SH3KBP1: variants seen among roughly 807,000 people sequenced by gnomAD.
SH3KBP1 encodes SH3 domain containing kinase binding protein 1.
SH3KBP1 carries 8 observed loss-of-function variants against 50.1 expected under a neutral mutation model. The ratio of observed to expected loss-of-function variants is 0.16; its 90% CI spans 0.09 to 0.29. The LOEUF (loss-of-function observed/expected upper bound fraction) is 0.29, where lower values mean the gene tolerates loss of function less well. Among genes scored for constraint, SH3KBP1 ranks in the 10% least tolerant of loss-of-function variants. SH3KBP1 has a pLI of 1.00. For missense variants in SH3KBP1, 377 were observed against 535.2 expected, an observed-to-expected ratio of 0.70 and a Z score of 2.92; for synonymous variants, 227 against 218.6, an observed-to-expected ratio of 1.04 and a Z score of -0.34.
At chrX:19,638,266 C>A (rs1258601140) in intron 7 of SH3KBP1, among the ~76,000 whole-genome samples, 1 of 109,692 alleles carries the variant, frequency 9.1e-6, no homozygotes, top group Non-Finnish European at 1.9e-5. Flanking sequence ...AAAAATTAGC[C>A]GGGCACGGTG....
At chrX:19,629,029 C>T (rs1391522303) in intron 8 of SH3KBP1, among the ~76,000 whole-genome samples, 1 of 111,640 alleles carries the variant, frequency 9.0e-6, no homozygotes, top group African/African-American at 3.3e-5. Context: ...ATCGCACGAA[C>T]CTGGGAGGTG....
chrX:19,776,209 A>ATG (rs1160865716), intron 2 of SH3KBP1, among the ~76,000 whole-genome samples: 1 of 111,841 alleles, frequency 8.9e-6, no homozygotes, highest in African/African-American at 3.2e-5. Flanking sequence ...ACGCTTCCAC[A>ATG]TGTGAGCCAT....
At chrX:19,722,467 G>A (rs1460423316) in intron 3 of SH3KBP1, among the ~76,000 whole-genome samples, 1 of 111,276 alleles carries the variant, frequency 9.0e-6, no homozygotes, top group Non-Finnish European at 1.9e-5. Context: ...GAGGTCACTA[G>A]GGCTTCCATG....
intron 3 of SH3KBP1, among the ~76,000 whole-genome samples, chrX:19,721,257 A>C (rs2064051370): frequency 1.8e-5 from 2 of 111,465 alleles, no homozygotes; most frequent in Non-Finnish European, 3.8e-5. Context: ...CAGGGGGTCT[A>C]AACTTACATG....
intron 3 of SH3KBP1, among the ~76,000 whole-genome samples, chrX:19,734,646 C>T (rs1304469409): frequency 8.9e-6 from 1 of 111,824 alleles, no homozygotes; most frequent in Non-Finnish European, 1.9e-5. Flanking sequence ...ACATTTCTAT[C>T]ACCCCAAAAA....
intron 6 of SH3KBP1, among the ~76,000 whole-genome samples, chrX:19,666,856 A>T (rs2062612252): frequency 8.9e-6 from 1 of 112,144 alleles, no homozygotes. Flanking sequence ...AGATATATCT[A>T]AAAAATTGAA....
chrX:19,549,110 G>A (rs1487179220), intron 14 of SH3KBP1, among the ~76,000 whole-genome samples: 5 of 112,218 alleles, frequency 4.5e-5, no homozygotes, highest in Admixed American at 3.8e-4. Context: ...AGAAAAATGG[G>A]CAGCCATGAA....
Position 19,876,160 on chromosome X carries a change from A to G in SH3KBP1, c.4+11147T>C, listed in dbSNP as rs2069244942. Among the ~76,000 whole-genome samples the G allele has an allele frequency of 2.7e-5, 3 of 111,642 alleles. No homozygotes were observed. The Admixed American group carries it at 2.8e-4, about 11-fold the overall frequency. On this transcript the variant is annotated intron_variant, in intron 1 of 17. Coordinates refer to ENST00000397821, the MANE Select transcript of SH3KBP1 (RefSeq NM_031892.3). Reference sequence around the variant, plus strand: ...GATCACCTGAGGTCGGGAGTTCCAGACCAGCCTGGCCAACATGGTGAAACC... The same window carrying G: ...GATCACCTGAGGTCGGGAGTTCCAGGCCAGCCTGGCCAACATGGTGAAACC...
chrX:19,760,041 C>CCTCTCCCTCTCTCTCCCTCT, intron 2 of SH3KBP1, among the ~76,000 whole-genome samples: 1 of 50,455 alleles, frequency 2.0e-5, no homozygotes, highest in African/African-American at 9.3e-5. Context: ...TCTCTCTCTC[C>CCTCTCCCTCTCTCTCCCTCT]CTCTCTCTCT....
chrX:19,638,176 C>T (rs1311664309), intron 7 of SH3KBP1, among the ~76,000 whole-genome samples: 3 of 109,496 alleles, frequency 2.7e-5, no homozygotes, highest in Non-Finnish European at 3.8e-5. Flanking sequence ...TTTGGGAGGC[C>T]GAGGCAGGCG....
At chrX:19,638,689 G>C (rs1056841234) in intron 7 of SH3KBP1, among the ~76,000 whole-genome samples, 3 of 111,739 alleles carry the variant, frequency 2.7e-5, no homozygotes, top group African/African-American at 9.8e-5. Context: ...GGACCTGGAG[G>C]GTGGACAAGT....
At chrX:19,853,884 T>A (rs2147489848) in intron 1 of SH3KBP1, among the ~76,000 whole-genome samples, 1 of 107,131 alleles carries the variant, frequency 9.3e-6, no homozygotes, top group East Asian at 3.1e-4. Context: ...ATCGCTTGAA[T>A]CCGGGAGGCA....
At chrX:19,634,246 C>G (rs2061651231) in intron 7 of SH3KBP1, among the ~76,000 whole-genome samples, 1 of 109,620 alleles carries the variant, frequency 9.1e-6, no homozygotes, top group Non-Finnish European at 1.9e-5. Context: ...CCCTGCCATT[C>G]TCCTTTTAAC....
intron 2 of SH3KBP1, among the ~76,000 whole-genome samples, chrX:19,798,765 C>A (rs996889611): frequency 8.9e-6 from 1 of 112,198 alleles, no homozygotes. Context: ...GCCAGGACAG[C>A]AACACTGGTG....
chrX:19,753,797 A>G (rs2065135479), intron 2 of SH3KBP1, among the ~76,000 whole-genome samples: 1 of 112,615 alleles, frequency 8.9e-6, no homozygotes, highest in Admixed American at 9.4e-5. Flanking sequence ...AAGAAAAAAA[A>G]CATAAAGTAA....
At position 19,591,655 on chromosome X, in the gene SH3KBP1, A is replaced by T. The variant is rs768143410; in HGVS notation, c.1138+412T>A. On this transcript the variant is annotated intron_variant, in intron 11 of 17. Coordinates refer to ENST00000397821, the MANE Select transcript of SH3KBP1 (RefSeq NM_031892.3). The stretch of plus-strand genomic sequence containing the variant: ...CATTTGTTTATTTATCTGGACGTGA[A>T]TTTCACTATGCCAAATCCATCCATC... Among the ~76,000 whole-genome samples, 10 of 112,146 alleles carry T rather than the reference A, an allele frequency of 8.9e-5. No homozygotes were observed. The South Asian group carries it at 3.7e-3, about 42-fold the overall frequency.
chrX:19,570,018 C>A (rs1048728160), intron 12 of SH3KBP1, among the ~76,000 whole-genome samples: 1 of 112,182 alleles, frequency 8.9e-6, no homozygotes, highest in Admixed American at 9.5e-5. Context: ...TTGTTCCCAG[C>A]AAAGTAACAG....
rs1476655665 is a variant in SH3KBP1 at position 19,849,342 on chromosome X, T to C, written c.5-13060A>G. Among the ~76,000 whole-genome samples, 4 of 110,920 alleles carry C rather than the reference T, an allele frequency of 3.6e-5. No individual in the cohort carries two copies. In the East Asian group the frequency reaches 1.1e-3, roughly 31 times the overall value. On this transcript the variant is annotated intron_variant, in intron 1 of 17. Transcript: ENST00000397821. ...GTAGGACTGTAGGCAAATGACTTAG[T>C]TTCTTCAACAACAACAAAAGCAAGG...
At position 19,769,042 on chromosome X, in the gene SH3KBP1, T is replaced by C. The variant is rs2065703533; in HGVS notation, c.163-22601A>G. ...AGGAGGTTTTCACTTTATAATAGCATATTGAGCAATATTATTATACAGCTG... is the reference window on the plus strand; with the variant it reads ...AGGAGGTTTTCACTTTATAATAGCACATTGAGCAATATTATTATACAGCTG... On this transcript the variant is annotated intron_variant, in intron 2 of 17. Transcript: ENST00000397821. Among the ~76,000 whole-genome samples the C allele has an allele frequency of 2.8e-5, 3 of 108,208 alleles. No individual in the cohort carries two copies. The South Asian group carries it at 1.2e-3, about 43-fold the overall frequency. The allele number at this position is 108,208 out of a possible 115,157, so 94.0% of individuals were successfully genotyped here.
Sources: gnomAD v4.1 joint callset for allele counts (sites outside exome capture counted in the v4.1 genomes callset) on GRCh38, gnomAD v4.1.1 for gene constraint, MANE v1.5 for transcripts, NCBI Gene and HGNC (gene_info 2026-07-23, HGNC 2026-07-21) for gene names.